ANK1: variants seen among roughly 807,000 people sequenced by gnomAD.
ANK1 encodes ankyrin 1.
In ANK1, 51 loss-of-function variants were observed where a neutral mutation model predicts 210.4. The observed-to-expected ratio is 0.24, with a 90% CI of 0.19 to 0.31. ANK1 has a LOEUF of 0.31. ANK1 is among the 10% of genes least tolerant of loss of function. ANK1 has a pLI of 1.00. For missense variants in ANK1, 2,051 were observed against 2,504.4 expected (o/e 0.82, Z 3.86); for synonymous variants, 967 against 1,025.9 (o/e 0.94, Z 1.10).
chr8:41,825,141 T>A (rs1805148915), intron 1 of ANK1, among the ~76,000 whole-genome samples: 1 of 152,230 alleles, frequency 6.6e-6, no homozygotes, highest in African/African-American at 2.4e-5. Context: ...TCGGCCGCAT[T>A]CTGCTCAGGA....
At chr8:41,827,720 ACACT>A (rs1415525852) in intron 1 of ANK1, among the ~76,000 whole-genome samples, 15 of 45,168 alleles carry the variant, frequency 3.3e-4, no homozygotes, top group Non-Finnish European at 2.7e-4. Context: ...ACACCCACTC[ACACT>A]CACACACATC....
At chr8:41,746,907 G>T (rs1049456584) in intron 2 of ANK1, among the ~76,000 whole-genome samples, 3 of 151,774 alleles carry the variant, frequency 2.0e-5, no homozygotes, top group African/African-American at 7.3e-5. Flanking sequence ...TAGAAGAAGG[G>T]CAGTGGGGTC....
rs1219452204 is a variant in ANK1 at position 41,654,989 on chromosome 8, T to G, written c.*801A>C. The G allele has an allele frequency of 6.6e-6, 1 of 152,632 alleles. No homozygotes were observed. Among genetic ancestry groups the G allele is most frequent in the Admixed American group, 6.5e-5 (1 of 15,272 alleles). The allele number at this position is 152,632 out of a possible 1,614,324, so 9.5% of individuals were successfully genotyped here. On this transcript the variant is annotated 3_prime_UTR_variant, in exon 43 of 43. Transcript: ENST00000289734. ...ACCCCGAATGCACTCTTCAAGGTAATGATTTTCCATTGGAAGATGATTCGT... is the reference window on the plus strand; with the variant it reads ...ACCCCGAATGCACTCTTCAAGGTAAGGATTTTCCATTGGAAGATGATTCGT...
chr8:41,844,064 G>C (rs1286845923), intron 1 of ANK1, among the ~76,000 whole-genome samples: 1 of 152,132 alleles, frequency 6.6e-6, no homozygotes, highest in East Asian at 1.9e-4. Flanking sequence ...ATAGGGATGG[G>C]GTCTTACTAT....
chr8:41,772,343 A>G (rs1249885381), intron 1 of ANK1, among the ~76,000 whole-genome samples: 6 of 152,200 alleles, frequency 3.9e-5, no homozygotes, highest in Non-Finnish European at 5.9e-5. Context: ...CCATCTCTCC[A>G]ATATTGGGAG....
At chr8:41,727,197 G>T (rs542858390) in intron 5 of ANK1, 53 bp downstream of exon 5, 8 of 1,441,958 alleles carry the variant, frequency 5.5e-6, no homozygotes, top group Middle Eastern at 3.5e-4. Context: ...CTGAAGCAAG[G>T]TTGTACACCT....
chr8:41,717,623 G>A lies in ANK1; in HGVS notation c.1286C>T (p.Ser429Leu), dbSNP rs770353869. The A allele has an allele frequency of 2.1e-5, 33 of 1,551,426 alleles. No homozygotes were observed. The highest frequency in any genetic ancestry group is 7.8e-5 in the Admixed American group (4 of 50,990). The change falls in exon 12 of 43, where the codon TCG becomes TTG. Residue 429 changes from serine to leucine, a missense_variant. Physicochemically the swap from Ser to Leu is moderately radical, Grantham distance 145. This residue lies in a region of ANK1 where 1,413 missense variants were observed against 1,707.4 expected (regional missense o/e 0.83). Transcript: ENST00000289734. ...GCTTACCACGTTGGAGACGTTGGGCGACGCCCCCCGCTGCAGGAGGTTCTT... is the reference window on the plus strand; with the variant it reads ...GCTTACCACGTTGGAGACGTTGGGCAACGCCCCCCGCTGCAGGAGGTTCTT... ...IVKNLLQRGA[S>L]PNVSNVKVET... is the part of the protein sequence containing the mutation.
In ANK1 at chr8:41,884,716, C is replaced by T. The variant is rs113854854; in HGVS notation, c.126+11639G>A. On this transcript the variant is annotated intron_variant, in intron 1 of 42. Coordinates refer to the ANK1 transcript ENST00000265709. Reference sequence around the variant, plus strand: ...AGTTTGGTGGTGCGTGTCTGTAGTCCTAGCTACTCAGAGGCTGTGTTGGGA... The same window carrying T: ...AGTTTGGTGGTGCGTGTCTGTAGTCTTAGCTACTCAGAGGCTGTGTTGGGA... Among the ~76,000 whole-genome samples the T allele has an allele frequency of 3.7e-3, 566 of 152,220 alleles. 1 individual carries two copies. The highest frequency in any genetic ancestry group is 0.013 in the African/African-American group (546 of 41,530).
intron 1 of ANK1, among the ~76,000 whole-genome samples, chr8:41,781,876 G>A (rs2150748348): frequency 6.6e-6 from 1 of 152,300 alleles, no homozygotes; most frequent in South Asian, 2.1e-4. Context: ...AGGAGAGGGT[G>A]GAGAGCACCC....
intron 1 of ANK1, among the ~76,000 whole-genome samples, chr8:41,835,232 C>G (rs1205607027): frequency 6.6e-6 from 1 of 152,286 alleles, no homozygotes. Flanking sequence ...GCAGGTGGAT[C>G]ACCTGAGGTC....
At chr8:41,811,378 T>C (rs1308608552) in intron 1 of ANK1, among the ~76,000 whole-genome samples, 2 of 152,226 alleles carry the variant, frequency 1.3e-5, no homozygotes, top group African/African-American at 4.8e-5. Flanking sequence ...AGAAGCAAGA[T>C]GGAGTCAGTC....
upstream of ANK1, among the ~76,000 whole-genome samples, chr8:41,800,956 A>G (rs1421150183): frequency 6.6e-6 from 1 of 152,098 alleles, no homozygotes; most frequent in Non-Finnish European, 1.5e-5. Context: ...TAGTTTTGCC[A>G]TGTTTTTGGA....
chr8:41,781,369 T>G (rs1268268204), intron 1 of ANK1, among the ~76,000 whole-genome samples: 3 of 152,230 alleles, frequency 2.0e-5, no homozygotes, highest in East Asian at 1.9e-4. Flanking sequence ...AGGGCTACCA[T>G]GCCAGGCAAT....
chr8:41,711,355 C>T (rs913555102), intron 16 of ANK1, among the ~76,000 whole-genome samples: 4 of 152,184 alleles, frequency 2.6e-5, no homozygotes, highest in African/African-American at 7.2e-5. Flanking sequence ...TTCCCAGCCA[C>T]GAAGGAAGGG....
chr8:41,757,929 G>C lies in ANK1; in HGVS notation c.129+107C>G, dbSNP rs527777883. 3 of 1,045,144 alleles carry C rather than the reference G, an allele frequency of 2.9e-6. 1 individual carries two copies. In the African/African-American group the frequency reaches 4.7e-5, roughly 16 times the overall value. 64.7% of individuals were successfully genotyped at this position (1,045,144 alleles called of 1,614,324 possible). On this transcript the variant is annotated intron_variant, in intron 2 of 42. Coordinates refer to ENST00000289734, the MANE Select transcript of ANK1 (RefSeq NM_000037.4). ...CAGGCAGGAGCCCTGGGGGAGTTTT[G>C]AGGCCACTGAGAAAAGGTTAATAGA...
intron 42 of ANK1, among the ~76,000 whole-genome samples, chr8:41,659,630 C>A (rs1807156972): frequency 6.6e-6 from 1 of 152,084 alleles, no homozygotes; most frequent in South Asian, 2.1e-4. Flanking sequence ...TAATGCTGTC[C>A]CCTAACCCTC....
chr8:41,837,191 C>CA lies in ANK1; in HGVS notation c.126+59163dup, dbSNP rs576737591. On this transcript the variant is annotated intron_variant, in intron 1 of 42. Transcript: ENST00000265709. ...GAGTAATTTTAAGTCTCAGGTGAGA[C>CA]AAAGAATGCAGGAGAGCTTTATAGC... Among the ~76,000 whole-genome samples, 7 of 152,316 alleles carry CA rather than the reference C, an allele frequency of 4.6e-5. No individual in the cohort carries two copies. The South Asian group carries it at 1.5e-3, about 32-fold the overall frequency.
At chr8:41,872,538 C>T (rs916787909) in intron 1 of ANK1, among the ~76,000 whole-genome samples, 1 of 152,192 alleles carries the variant, frequency 6.6e-6, no homozygotes, top group African/African-American at 2.4e-5. Context: ...GAAGGTCATG[C>T]CCAGTGAAGG....
chr8:41,853,899 T>A (rs1284904179), intron 1 of ANK1, among the ~76,000 whole-genome samples: 1 of 152,168 alleles, frequency 6.6e-6, no homozygotes, highest in African/African-American at 2.4e-5. Flanking sequence ...GCACTCGGAT[T>A]ACAGGCAGGA....
Sources: allele counts gnomAD v4.1 joint callset (sites outside exome capture counted in the v4.1 genomes callset), GRCh38; gene constraint gnomAD v4.1.1; regional missense constraint gnomAD v4.1.1; transcripts MANE v1.5; gene names NCBI Gene and HGNC (gene_info 2026-07-23, HGNC 2026-07-21).